FAM220A: variants seen among roughly 807,000 people sequenced by gnomAD.
The protein encoded by FAM220A is family with sequence similarity 220 member A, also known as protein FAM220A.
For synonymous variants in FAM220A, 141 were observed against 130.7 expected (o/e 1.08, Z -0.54); for missense variants, 392 against 321.6 (o/e 1.22, Z -1.68).
rs558244621 is a variant in FAM220A at position 6,329,491 on chromosome 7, G to C, written c.*884C>G. ...AAACACTAAAATAGCACATGGCATA[G>C]TAATTCAGCACACAGCATAAACTGA... On this transcript the variant is annotated 3_prime_UTR_variant, in exon 2 of 2. Coordinates refer to ENST00000313324, the MANE Select transcript of FAM220A (RefSeq NM_001037163.2). 1 of 152,652 alleles carries C rather than the reference G, an allele frequency of 6.6e-6. No individual in the cohort carries two copies. Among genetic ancestry groups the C allele is most frequent in the African/African-American group, 2.4e-5 (1 of 41,436 alleles). The allele number at this position is 152,652 out of a possible 1,614,324, so 9.5% of individuals were successfully genotyped here. A position where few individuals can be genotyped will look rare whatever the true frequency, so the allele number is the denominator to read the frequency against.
chr7:6,342,402 G>A lies in FAM220A; in HGVS notation c.-82+6171C>T, dbSNP rs185867788. Among the ~76,000 whole-genome samples the A allele has an allele frequency of 2.7e-3, 413 of 151,580 alleles. 3 individuals carry two copies. Among genetic ancestry groups the A allele is most frequent in the African/African-American group, 9.7e-3 (402 of 41,322 alleles). On this transcript the variant is annotated intron_variant, in intron 1 of 1. Transcript: ENST00000313324. ...TCTACTAAAAATACAAACATTAGCTGGGCATGGTGGTAGGCACCTGTAATC... is the reference window on the plus strand; with the variant it reads ...TCTACTAAAAATACAAACATTAGCTAGGCATGGTGGTAGGCACCTGTAATC...
rs529508325 is a variant in FAM220A at position 6,346,264 on chromosome 7, G to C, written c.-82+2309C>G. Among the ~76,000 whole-genome samples, 4 of 152,230 alleles carry C rather than the reference G, an allele frequency of 2.6e-5. No individual in the cohort carries two copies. In the South Asian group the frequency reaches 8.3e-4, roughly 32 times the overall value. On this transcript the variant is annotated intron_variant, in intron 1 of 1. Coordinates refer to ENST00000313324, the MANE Select transcript of FAM220A (RefSeq NM_001037163.2). ...TTCACTCAATTCAAGCCACCTGGTG[G>C]AGGTTTTGACCCCTCTAATCAGGTA...
intron 1 of FAM220A, among the ~76,000 whole-genome samples, chr7:6,339,947 T>G (rs1204580277): frequency 1.3e-5 from 2 of 151,396 alleles, no homozygotes; most frequent in Non-Finnish European, 2.9e-5. Context: ...TGCAGCTGCA[T>G]GATCTCAGCT....
At chr7:6,337,871 T>C (rs1781776095) in intron 1 of FAM220A, among the ~76,000 whole-genome samples, 1 of 151,644 alleles carries the variant, frequency 6.6e-6, no homozygotes, top group African/African-American at 2.4e-5. Context: ...TGGTGCAATC[T>C]TGGCTCACTG....
intron 1 of FAM220A, among the ~76,000 whole-genome samples, chr7:6,334,090 C>T (rs914154103): frequency 1.3e-5 from 2 of 151,288 alleles, no homozygotes; most frequent in Non-Finnish European, 2.9e-5. Flanking sequence ...TCGTGATCCG[C>T]CCACCTTGGC....
intron 1 of FAM220A, among the ~76,000 whole-genome samples, chr7:6,338,335 C>A (rs1207768237): frequency 6.6e-6 from 1 of 152,068 alleles, no homozygotes; most frequent in African/African-American, 2.4e-5. Context: ...AAAATCAGCT[C>A]TTTTTGGCCT....
At chr7:6,338,603 CGAG>C (rs946699280) in intron 1 of FAM220A, 1 of 152,232 alleles carries the variant, frequency 6.6e-6, no homozygotes, top group Non-Finnish European at 1.5e-5. Flanking sequence ...CCAGGGGAAA[CGAG>C]GCTGTCCAGG....
chr7:6,334,574 C>G (rs1254694325), intron 1 of FAM220A, among the ~76,000 whole-genome samples: 1 of 151,848 alleles, frequency 6.6e-6, no homozygotes, highest in Non-Finnish European at 1.5e-5. Context: ...TTCAACAATT[C>G]TCCTGCCTAA....
chr7:6,343,468 C>T (rs902746703), intron 1 of FAM220A, among the ~76,000 whole-genome samples: 6 of 137,932 alleles, frequency 4.3e-5, no homozygotes, highest in East Asian at 2.1e-4. Flanking sequence ...AGAAACACTT[C>T]GTTCTTCCCA....
At chr7:6,335,854 G>A (rs1342590111) in intron 1 of FAM220A, among the ~76,000 whole-genome samples, 1 of 152,002 alleles carries the variant, frequency 6.6e-6, no homozygotes, top group Non-Finnish European at 1.5e-5. Flanking sequence ...GGGCAACACA[G>A]CAAGACCCTG....
chr7:6,331,062 C>T lies in FAM220A; in HGVS notation c.93G>A (p.Lys31=), dbSNP rs1165343444. 3 of 1,613,784 alleles carry T rather than the reference C, an allele frequency of 1.9e-6. No individual in the cohort carries two copies. Among genetic ancestry groups the T allele is most frequent in the Non-Finnish European group, 2.5e-6 (3 of 1,180,054 alleles). ...GCCAAGGGCCCTCCGGCATTCTTTT[C>T]TTAAGGCTGCATGATAGTTTGTCCG... ...GDSDKLSCSL[K]KRMPEGPWPA... is the part of the protein sequence containing the mutation. Residue 31 remains lysine, a synonymous_variant, in exon 2 of 2, where the codon AAG becomes AAA. Transcript: ENST00000313324.
In FAM220A at chr7:6,330,661, C is replaced by A. The variant is rs778044292; in HGVS notation, c.494G>T (p.Gly165Val). 6.2e-7 allele frequency: 1 copy of A among 1,614,128 alleles called. No individual in the cohort carries two copies. Among genetic ancestry groups the A allele is most frequent in the Non-Finnish European group, 8.5e-7 (1 of 1,180,038 alleles). The change falls in exon 2 of 2, where the codon GGA becomes GTA. Residue 165 changes from glycine (G) to valine (V), a missense_variant. Transcript: ENST00000313324. Reference protein sequence around the residue: ...LPRHQKVPEMGSFQDDPPSAF... With the variant: ...LPRHQKVPEMVSFQDDPPSAF... The stretch of plus-strand genomic sequence containing the variant: ...ACTTGGTGGGTCATCCTGAAAACTT[C>A]CCATTTCCGGCACTTTTTGATGGCG...
chr7:6,331,983 G>T (rs528056216), intron 1 of FAM220A, among the ~76,000 whole-genome samples: 1 of 151,816 alleles, frequency 6.6e-6, no homozygotes, highest in South Asian at 2.1e-4. Flanking sequence ...GTGATGGCAG[G>T]TGTCTGTAAT....
intron 1 of FAM220A, among the ~76,000 whole-genome samples, chr7:6,341,018 C>A (rs1781843643): frequency 6.9e-6 from 1 of 145,720 alleles, no homozygotes; most frequent in South Asian, 2.2e-4. Flanking sequence ...GTGGTGGGAA[C>A]CTACAGTCCC....
chr7:6,334,697 C>T (rs916761028), intron 1 of FAM220A, among the ~76,000 whole-genome samples: 1 of 151,994 alleles, frequency 6.6e-6, no homozygotes, highest in Non-Finnish European at 1.5e-5. Flanking sequence ...AACTCCTGAG[C>T]TCAGGCAGTC....
In FAM220A at chr7:6,330,277, A is replaced by G. The variant is rs1015742395; in HGVS notation, c.*98T>C. 27 of 1,175,884 alleles carry G rather than the reference A, an allele frequency of 2.3e-5. No homozygotes were observed. The highest frequency in any genetic ancestry group is 3.1e-5 in the African/African-American group (2 of 64,382). The allele number at this position is 1,175,884 out of a possible 1,614,324, so 72.8% of individuals were successfully genotyped here. ...CAGGTCGTACAAAACTACAGCAGGA[A>G]CCTAAGGGCTGCACAGTTTGCATCC... On this transcript the variant is annotated 3_prime_UTR_variant, in exon 2 of 2. Coordinates refer to ENST00000313324, the MANE Select transcript of FAM220A (RefSeq NM_001037163.2).
chr7:6,348,492 C>G (rs1257627684), intron 1 of FAM220A, 81 bp downstream of exon 1: 2 of 409,686 alleles, frequency 4.9e-6, no homozygotes, highest in Non-Finnish European at 8.6e-6. Context: ...TAGGCAGTGG[C>G]AGCTGCCGTG....
At chr7:6,337,111 G>A (rs537865531) in intron 1 of FAM220A, among the ~76,000 whole-genome samples, 1 of 145,952 alleles carries the variant, frequency 6.9e-6, no homozygotes, top group Non-Finnish European at 1.5e-5. Context: ...TCTCTGTCTC[G>A]CCCAGGCTGG....
At chr7:6,346,415 G>C (rs932742162) in intron 1 of FAM220A, among the ~76,000 whole-genome samples, 3 of 152,142 alleles carry the variant, frequency 2.0e-5, no homozygotes, top group Non-Finnish European at 4.4e-5. Context: ...CGCCCAGGCT[G>C]GAGTGCAGTG....
Sources: allele counts gnomAD v4.1 joint callset (sites outside exome capture counted in the v4.1 genomes callset), GRCh38; gene constraint gnomAD v4.1.1; transcripts MANE v1.5; gene names NCBI Gene and HGNC (gene_info 2026-07-23, HGNC 2026-07-21).